FRMPD4: variants seen among roughly 807,000 people sequenced by gnomAD.
FRMPD4 encodes FERM and PDZ domain containing 4.
In FRMPD4, 22 loss-of-function variants were observed where a neutral mutation model predicts 94.1. The ratio of observed to expected loss-of-function variants is 0.23; its 90% CI spans 0.17 to 0.33. The LOEUF is 0.33. FRMPD4 is among the 10% of genes least tolerant of loss of function. The probability of loss-of-function intolerance (pLI) is 1.00; values close to 1 mark genes in which losing one functional copy is unlikely to be tolerated. For synonymous variants in FRMPD4, 631 were observed against 548.6 expected (o/e 1.15, Z -2.10); for missense variants, 1,111 against 1,339.9 (o/e 0.83, Z 2.67).
At chrX:12,540,693 T>C (rs2058398800) in intron 2 of FRMPD4, among the ~76,000 whole-genome samples, 2 of 110,388 alleles carry the variant, frequency 1.8e-5, no homozygotes, top group Non-Finnish European at 3.8e-5. Flanking sequence ...AGACAGAAAA[T>C]TAAAAAGGAT....
chrX:12,072,488 C>T (rs1212666952), intron 3 of FRMPD4, among the ~76,000 whole-genome samples: 1 of 111,580 alleles, frequency 9.0e-6, no homozygotes, highest in African/African-American at 3.3e-5. Flanking sequence ...TGGCTTTGTG[C>T]ACTATGTAAT....
chrX:12,538,290 G>A (rs1401468321), intron 2 of FRMPD4, among the ~76,000 whole-genome samples: 2 of 111,458 alleles, frequency 1.8e-5, no homozygotes, highest in East Asian at 2.8e-4. Flanking sequence ...AGGGGCGCCC[G>A]CCATTGCTGA....
At chrX:12,548,395 G>A (rs930525883) in intron 2 of FRMPD4, among the ~76,000 whole-genome samples, 2 of 112,446 alleles carry the variant, frequency 1.8e-5, no homozygotes, top group Admixed American at 1.9e-4. Context: ...ATTCATTGCA[G>A]CATGGTAACT....
intron 2 of FRMPD4, among the ~76,000 whole-genome samples, chrX:12,563,236 G>A (rs1235777766): frequency 8.0e-5 from 4 of 50,169 alleles, no homozygotes; most frequent in South Asian, 8.0e-4. Flanking sequence ...GCATGTAAGT[G>A]TGTACACACA....
In FRMPD4 at chrX:12,723,782, A is replaced by G. The variant is rs2042283293; in HGVS notation, c.*1924A>G. ...GCAATATGGATGAGTTCTTACGGAT[A>G]TGGGGTTTGGGGTCAGAAACATCTT... On this transcript the variant is annotated 3_prime_UTR_variant, in exon 17 of 17. Coordinates refer to ENST00000675598, the MANE Select transcript of FRMPD4 (RefSeq NM_001368397.1). 1 of 111,289 alleles carries G rather than the reference A, an allele frequency of 9.0e-6. No individual in the cohort carries two copies. Among genetic ancestry groups the G allele is most frequent in the Non-Finnish European group, 1.9e-5 (1 of 53,081 alleles). 9.2% of individuals were successfully genotyped at this position (111,289 alleles called of 1,213,427 possible). A position where few individuals can be genotyped will look rare whatever the true frequency, so the allele number is the denominator to read the frequency against.
chrX:12,524,296 T>A (rs1049252473), intron 2 of FRMPD4, among the ~76,000 whole-genome samples: 27 of 112,614 alleles, frequency 2.4e-4, no homozygotes, highest in African/African-American at 8.4e-4. Flanking sequence ...AAAACTGGTC[T>A]ATTTTGGAAT....
chrX:12,437,282 A>G (rs2057077612), intron 1 of FRMPD4, among the ~76,000 whole-genome samples: 1 of 110,925 alleles, frequency 9.0e-6, no homozygotes, highest in Non-Finnish European at 1.9e-5. Flanking sequence ...TCTATCCCCA[A>G]CTCCCAAGGT....
At chrX:12,468,474 T>C (rs1250021777) in intron 1 of FRMPD4, among the ~76,000 whole-genome samples, 2 of 111,982 alleles carry the variant, frequency 1.8e-5, no homozygotes, top group East Asian at 5.6e-4. Context: ...ATTATGGCTG[T>C]GCTGATGGGA....
At chrX:11,825,862 A>G (rs764967321) in intron 1 of FRMPD4, among the ~76,000 whole-genome samples, 4 of 112,417 alleles carry the variant, frequency 3.6e-5, no homozygotes, top group Non-Finnish European at 7.5e-5. Flanking sequence ...AACTATTTCA[A>G]ATAAAAGCTA....
intron 1 of FRMPD4, among the ~76,000 whole-genome samples, chrX:12,383,359 G>A (rs1035472984): frequency 9.0e-6 from 1 of 111,590 alleles, no homozygotes; most frequent in African/African-American, 3.3e-5. Context: ...GTCACATCTG[G>A]TGGTGGGGGC....
At chrX:12,514,029 G>A (rs952026602) in intron 2 of FRMPD4, among the ~76,000 whole-genome samples, 1 of 111,040 alleles carries the variant, frequency 9.0e-6, no homozygotes, top group Non-Finnish European at 1.9e-5. Flanking sequence ...GTCTGTTATT[G>A]GTGTATAGGA....
intron 1 of FRMPD4, among the ~76,000 whole-genome samples, chrX:12,277,311 C>T (rs1333947328): frequency 9.0e-6 from 1 of 111,205 alleles, no homozygotes; most frequent in East Asian, 2.8e-4. Flanking sequence ...AAAAAACATG[C>T]ACATTTATTT....
At chrX:12,220,497 G>T (rs111409907) in intron 1 of FRMPD4, among the ~76,000 whole-genome samples, 7,527 of 111,287 alleles carry the variant, frequency 0.068, 260 homozygotes, top group Non-Finnish European at 0.11. Context: ...ATATCCATCC[G>T]CAGTAAGCAT....
At chrX:12,014,777 A>G (rs1350458337) in intron 3 of FRMPD4, among the ~76,000 whole-genome samples, 1 of 111,475 alleles carries the variant, frequency 9.0e-6, no homozygotes, top group African/African-American at 3.3e-5. Context: ...AATATACAGC[A>G]TCAAGTACTC....
chrX:11,896,301 A>G (rs778645999), intron 3 of FRMPD4, among the ~76,000 whole-genome samples: 1 of 112,261 alleles, frequency 8.9e-6, no homozygotes, highest in Non-Finnish European at 1.9e-5. Context: ...TGGTGTTTGT[A>G]AAGAGGCCAA....
At position 12,032,383 on chromosome X, in the gene FRMPD4, G is replaced by C. The variant is rs778866517; in HGVS notation, c.95+154365G>C. ...CCTAGAGTGAATGTTTGAAAGGAGT[G>C]AGTCCTTGGCAGTATTTAATGTATA... On this transcript the variant is annotated intron_variant, in intron 3 of 18. Coordinates refer to the FRMPD4 transcript ENST00000640291. 1.7e-4 allele frequency among the ~76,000 whole-genome samples: 19 copies of C among 112,106 alleles called. No homozygotes were observed. The South Asian group carries it at 7.1e-3, about 42-fold the overall frequency.
intron 1 of FRMPD4, among the ~76,000 whole-genome samples, chrX:12,446,138 ACT>A (rs1219857967): frequency 8.9e-6 from 1 of 112,305 alleles, no homozygotes; most frequent in Non-Finnish European, 1.9e-5. Context: ...TATCTAGACC[ACT>A]GACTTTTAAT....
chrX:11,941,697 C>G (rs1284494715), intron 3 of FRMPD4, among the ~76,000 whole-genome samples: 1 of 112,448 alleles, frequency 8.9e-6, no homozygotes, highest in African/African-American at 3.2e-5. Context: ...AAGCAAGCGT[C>G]TAGATTTATC....
chrX:12,047,847 T>C (rs746155336), intron 3 of FRMPD4, among the ~76,000 whole-genome samples: 31 of 112,639 alleles, frequency 2.8e-4, no homozygotes, highest in Non-Finnish European at 5.4e-4. Context: ...TATAGCTGCA[T>C]AGTATTCCAT....
Sources: allele counts gnomAD v4.1 joint callset (sites outside exome capture counted in the v4.1 genomes callset), GRCh38; gene constraint gnomAD v4.1.1; transcripts MANE v1.5; gene names NCBI Gene and HGNC (gene_info 2026-07-23, HGNC 2026-07-21).